The following EZH1 variants were observed in gnomAD, a reference collection of about 807,000 sequenced individuals.
EZH1 encodes enhancer of zeste 1 polycomb repressive complex 2 subunit.
In EZH1, 33 loss-of-function variants were observed where a neutral mutation model predicts 100.5. The observed-to-expected ratio is 0.33, with a 90% CI of 0.25 to 0.44. EZH1 has a LOEUF of 0.44. Ranked by LOEUF, EZH1 falls within the 20% of genes least tolerant of loss-of-function variation. The pLI, the probability that EZH1 is intolerant of heterozygous loss-of-function variation, is 1.00. For missense variants in EZH1, 475 were observed against 928.4 expected (o/e 0.51, Z 6.35); for synonymous variants, 272 against 313.8 (o/e 0.87, Z 1.41).
intron 1 of EZH1, among the ~76,000 whole-genome samples, chr17:42,741,018 G>A (rs1423436090): frequency 6.6e-6 from 1 of 152,186 alleles, no homozygotes; most frequent in African/African-American, 2.4e-5. Context: ...TTCCAGAATG[G>A]AGAAGCACAA....
chr17:42,710,877 C>A (rs1056197171), intron 12 of EZH1, among the ~76,000 whole-genome samples: 1 of 149,504 alleles, frequency 6.7e-6, no homozygotes, highest in Non-Finnish European at 1.5e-5. Flanking sequence ...CCCACCATGG[C>A]TTCCCAAAGC....
At chr17:42,722,986 C>A in intron 5 of EZH1, 71 bp from the exon 6 acceptor site, 1 of 1,522,014 alleles carries the variant, frequency 6.6e-7, no homozygotes, top group Non-Finnish European at 8.8e-7. Context: ...TTAGTGGAAT[C>A]TTTGCTGAGC....
chr17:42,709,154 A>G (rs1460546841), intron 13 of EZH1: 1 of 570,750 alleles, frequency 1.8e-6, no homozygotes, highest in African/African-American at 1.9e-5. Flanking sequence ...AAATAACATA[A>G]AAGAACACAA....
At chr17:42,702,803 C>G in intron 20 of EZH1, 74 bp downstream of exon 20, 1 of 1,512,172 alleles carries the variant, frequency 6.6e-7, no homozygotes, top group South Asian at 1.1e-5. Context: ...CCTCCCTGAG[C>G]CCCCAAATCT....
intron 10 of EZH1, among the ~76,000 whole-genome samples, chr17:42,715,981 A>T (rs2053596264): frequency 6.6e-6 from 1 of 150,496 alleles, no homozygotes. Flanking sequence ...CGGGAGGTGG[A>T]GATTGTGGTG....
Position 42,718,565 on chromosome 17 carries a change from T to A in EZH1, c.820A>T (p.Thr274Ser). The A allele has an allele frequency of 1.2e-6, 2 of 1,614,182 alleles. No homozygotes were observed. The highest frequency in any genetic ancestry group is 1.7e-6 in the Non-Finnish European group (2 of 1,180,030). ...SDPNALPPQC[T>S]PNIDGPNAKS... is the part of the protein sequence containing the mutation. ...GCATTGGGGCCATCGATGTTGGGTG[T>A]GCACTGAGGGGGAAGTGCATTGGGG... is the stretch of plus-strand genomic sequence containing the variant. The change falls in exon 9 of 21, where the codon ACA becomes TCA. Residue 274 changes from threonine to serine, a missense_variant. Around this residue, in one of 8 missense-constraint regions of EZH1, gnomAD observed 180 missense variants for 295.3 expected, o/e 0.61. Transcript: ENST00000428826. The surrounding 1 kb of genome is among the most constrained non-coding windows in gnomAD (Gnocchi z 4.2).
chr17:42,724,841 A>G (rs1294132712), intron 4 of EZH1, among the ~76,000 whole-genome samples: 4 of 152,108 alleles, frequency 2.6e-5, no homozygotes, highest in Admixed American at 6.6e-5. Flanking sequence ...AAGCTAATAA[A>G]TTAAATTTTT....
intron 13 of EZH1, chr17:42,709,259 T>C: frequency 3.8e-6 from 1 of 262,284 alleles, no homozygotes; most frequent in Non-Finnish European, 7.4e-6. Flanking sequence ...GGTGGAGATA[T>C]GGGGGAGTTT....
intron 1 of EZH1, among the ~76,000 whole-genome samples, chr17:42,739,523 G>A (rs992726192): frequency 3.9e-5 from 6 of 152,084 alleles, no homozygotes; most frequent in Non-Finnish European, 2.9e-5. Flanking sequence ...CCTGAGGACA[G>A]GGGTTCGAGA....
Position 42,702,479 on chromosome 17 carries a change from C to G in EZH1, c.*53G>C. 6.8e-7 allele frequency: 1 copy of G among 1,466,998 alleles called. No homozygotes were observed. Among genetic ancestry groups the G allele is most frequent in the East Asian group, 2.5e-5 (1 of 40,248 alleles). 90.9% of individuals were successfully genotyped at this position (1,466,998 alleles called of 1,614,324 possible). Reference sequence around the variant, plus strand: ...GACTCGAGCAGCAGTGGTGTGAGCACGAAAGCCAAGACAGTGCCGCTACCA... The same window carrying G: ...GACTCGAGCAGCAGTGGTGTGAGCAGGAAAGCCAAGACAGTGCCGCTACCA... On this transcript the variant is annotated 3_prime_UTR_variant, in exon 21 of 21. Coordinates refer to ENST00000428826, the MANE Select transcript of EZH1 (RefSeq NM_001991.5).
intron 7 of EZH1, 105 bp downstream of exon 7, chr17:42,720,168 C>T (rs915506844): frequency 8.2e-7 from 1 of 1,222,370 alleles, no homozygotes; most frequent in Admixed American, 2.7e-5. Flanking sequence ...AGTGAACCAA[C>T]AAGAAGCACC....
chr17:42,730,676 T>G (rs2053927484), intron 2 of EZH1, among the ~76,000 whole-genome samples, 152 bp downstream of exon 2: 1 of 151,408 alleles, frequency 6.6e-6, no homozygotes, highest in Non-Finnish European at 1.5e-5. Context: ...TTTTGTATTT[T>G]TAGTAGAGAC....
At chr17:42,722,030 C>T (rs1249946210) in intron 6 of EZH1, among the ~76,000 whole-genome samples, 1 of 151,554 alleles carries the variant, frequency 6.6e-6, no homozygotes, top group African/African-American at 2.4e-5. Flanking sequence ...CGCCTGTAGT[C>T]CCAGCTACCT....
At position 42,745,036 on chromosome 17, in the gene EZH1, C is replaced by G; in HGVS notation, c.-128G>C. On this transcript the variant is annotated 5_prime_UTR_variant, in exon 1 of 21. Transcript: ENST00000428826. ...CCTCCATCCCGAGCCGCGGGTCCCG[C>G]TGCTAGGACGCATGCGCGCCGCGGC... 3.1e-6 allele frequency: 4 copies of G among 1,270,122 alleles called. No homozygotes were observed. The highest frequency in any genetic ancestry group is 4.1e-6 in the Non-Finnish European group (4 of 980,796). The allele number at this position is 1,270,122 out of a possible 1,614,324, so 78.7% of individuals were successfully genotyped here.
At chr17:42,703,398 G>A in intron 19 of EZH1, 3 of 311,054 alleles carry the variant, frequency 9.6e-6, no homozygotes, top group South Asian at 6.3e-5. Context: ...GGCTGGTCTT[G>A]AACTCCTGGC....
At chr17:42,704,543 G>A (rs372632916) in intron 18 of EZH1, 59 bp downstream of exon 18, 29 of 1,402,952 alleles carry the variant, frequency 2.1e-5, no homozygotes, top group South Asian at 6.1e-5. Context: ...GCAAGACTCC[G>A]TCTCAAAAAA....
At chr17:42,744,954 C>A (rs1432392343) in intron 1 of EZH1, 57 bp downstream of exon 1, 8 of 1,253,104 alleles carry the variant, frequency 6.4e-6, no homozygotes, top group Non-Finnish European at 8.2e-6. Context: ...AGGCCCAGGG[C>A]GGCGAGGGGA....
intron 3 of EZH1, among the ~76,000 whole-genome samples, chr17:42,728,498 T>A (rs1412672739): frequency 1.3e-5 from 2 of 150,412 alleles, no homozygotes; most frequent in East Asian, 4.0e-4. Context: ...TCCCAGCACT[T>A]TGGGAGGCTG....
chr17:42,724,266 T>C, intron 5 of EZH1, 39 bp downstream of exon 5: 1 of 1,610,298 alleles, frequency 6.2e-7, no homozygotes, highest in Non-Finnish European at 8.5e-7. Flanking sequence ...AACACAATCA[T>C]ACAGTTTAAA....
Sources: gnomAD v4.1 joint callset for allele counts (sites outside exome capture counted in the v4.1 genomes callset) on GRCh38, gnomAD v4.1.1 for gene constraint, gnomAD v4.1.1 regional missense constraint, Gnocchi (gnomAD v3.1) non-coding constraint, MANE v1.5 for transcripts, NCBI Gene and HGNC (gene_info 2026-07-23, HGNC 2026-07-21) for gene names.